ADAMTS12: variants seen among roughly 807,000 people sequenced by gnomAD.
ADAMTS12 encodes the protein A disintegrin and metalloproteinase with thrombospondin motifs 12.
In ADAMTS12, 118 loss-of-function variants were observed where a neutral mutation model predicts 167.8. The observed-to-expected ratio is 0.70, with a 90% CI of 0.61 to 0.82. The LOEUF (loss-of-function observed/expected upper bound fraction) is 0.82. ADAMTS12 is among the 40% of genes least tolerant of loss of function. The pLI, the probability that ADAMTS12 is intolerant of heterozygous loss-of-function variation, is 0.00. For missense variants in ADAMTS12, 1,916 were observed against 1,998.8 expected (o/e 0.96, Z 0.79); for synonymous variants, 704 against 716.9 (o/e 0.98, Z 0.29).
chr5:33,641,759 C>G (rs1266426163), intron 11 of ADAMTS12, 51 bp downstream of exon 11: 1 of 1,487,148 alleles, frequency 6.7e-7, no homozygotes, highest in South Asian at 1.4e-5. Context: ...TGCCCCCCAT[C>G]CCGCCCCCAG....
chr5:33,621,993 A>T (rs1366818214), intron 14 of ADAMTS12, among the ~76,000 whole-genome samples: 1 of 152,218 alleles, frequency 6.6e-6, no homozygotes, highest in Non-Finnish European at 1.5e-5. Context: ...AGCAACCATG[A>T]CCCTCTTGTT....
intron 2 of ADAMTS12, among the ~76,000 whole-genome samples, chr5:33,878,641 TG>T (rs1750315868): frequency 6.6e-6 from 1 of 152,210 alleles, no homozygotes. Context: ...TAGAATCACC[TG>T]GGGAGATCTG....
At chr5:33,626,302 G>A (rs1425264779) in intron 13 of ADAMTS12, among the ~76,000 whole-genome samples, 2 of 151,370 alleles carry the variant, frequency 1.3e-5, no homozygotes. Context: ...TGATGGTGCT[G>A]CGGGGTAATG....
chr5:33,879,102 C>T (rs1219625631), intron 2 of ADAMTS12, among the ~76,000 whole-genome samples: 1 of 152,146 alleles, frequency 6.6e-6, no homozygotes, highest in African/African-American at 2.4e-5. Flanking sequence ...ATGGTGATGG[C>T]TGCACAACTC....
At chr5:33,625,486 C>A (rs2112125469) in intron 13 of ADAMTS12, among the ~76,000 whole-genome samples, 1 of 152,212 alleles carries the variant, frequency 6.6e-6, no homozygotes, top group South Asian at 2.1e-4. Flanking sequence ...GGCCTTCATT[C>A]CTTCACTGAT....
intron 16 of ADAMTS12, among the ~76,000 whole-genome samples, chr5:33,604,553 C>T (rs1738344752): frequency 6.6e-6 from 1 of 151,224 alleles, no homozygotes; most frequent in Non-Finnish European, 1.5e-5. Flanking sequence ...CCCCCACCAC[C>T]CCCCTACTTA....
At position 33,751,467 on chromosome 5, in the gene ADAMTS12, G is replaced by A; in HGVS notation, c.571C>T (p.Pro191Ser). ...TTCTGCCTCCTGTAAACGATGTGCGGGTGGTACCCTCCCTCAACCAGTGGA... is the reference window on the plus strand; with the variant it reads ...TTCTGCCTCCTGTAAACGATGTGCGAGTGGTACCCTCCCTCAACCAGTGGA... Reference protein sequence around the residue: ...KHPLVEGGYHPHIVYRRQKVP... With the variant: ...KHPLVEGGYHSHIVYRRQKVP... The change falls in exon 3 of 24, where the codon CCG (proline) becomes TCG (serine). Residue 191 changes from proline (P) to serine (S), a missense_variant. Pro to Ser is a moderately conservative substitution (Grantham distance 74). Transcript: ENST00000504830. The A allele has an allele frequency of 6.2e-7, 1 of 1,614,056 alleles. No individual in the cohort carries two copies. Among genetic ancestry groups the A allele is most frequent in the Non-Finnish European group, 8.5e-7 (1 of 1,179,984 alleles).
intron 5 of ADAMTS12, among the ~76,000 whole-genome samples, chr5:33,677,234 A>G (rs1024777582): frequency 2.0e-5 from 3 of 152,198 alleles, no homozygotes; most frequent in African/African-American, 7.2e-5. Flanking sequence ...TGATGATGAT[A>G]AAAATAATAA....
At chr5:33,530,858 A>C (rs1263951212) in intron 23 of ADAMTS12, among the ~76,000 whole-genome samples, 1 of 152,180 alleles carries the variant, frequency 6.6e-6, no homozygotes, top group Non-Finnish European at 1.5e-5. Flanking sequence ...TGTGGGTTGA[A>C]CTGTATCCTT....
chr5:33,686,152 G>A (rs566648161), intron 3 of ADAMTS12, among the ~76,000 whole-genome samples: 1 of 152,276 alleles, frequency 6.6e-6, no homozygotes, highest in Middle Eastern at 3.4e-3. Flanking sequence ...GAGGGTGACT[G>A]GCAGACAGTT....
At chr5:33,633,523 G>C (rs1217210299) in intron 12 of ADAMTS12, among the ~76,000 whole-genome samples, 2 of 152,088 alleles carry the variant, frequency 1.3e-5, no homozygotes, top group East Asian at 3.9e-4. Flanking sequence ...ATGACCTATA[G>C]GTGTGCCTCA....
intron 2 of ADAMTS12, among the ~76,000 whole-genome samples, chr5:33,793,996 G>A (rs1746677041): frequency 6.6e-6 from 1 of 152,136 alleles, no homozygotes; most frequent in African/African-American, 2.4e-5. Flanking sequence ...CCTCCTCCCC[G>A]TGGAGTTTAC....
chr5:33,705,946 A>C (rs989862941), intron 3 of ADAMTS12, among the ~76,000 whole-genome samples: 6 of 152,174 alleles, frequency 3.9e-5, no homozygotes, highest in Admixed American at 3.9e-4. Flanking sequence ...TCTACAAGAA[A>C]CTACAAAACA....
At chr5:33,574,779 A>G (rs981221253) in intron 19 of ADAMTS12, among the ~76,000 whole-genome samples, 1 of 152,062 alleles carries the variant, frequency 6.6e-6, no homozygotes, top group Non-Finnish European at 1.5e-5. Context: ...TACCTATGAA[A>G]GTGGTTTGTA....
rs537891218 is a variant in ADAMTS12, at chr5:33,783,819, C to A, written c.490-32271G>T. Among the ~76,000 whole-genome samples, 254 of 151,964 alleles carry A rather than the reference C, an allele frequency of 1.7e-3. 1 individual carries two copies. The highest frequency in any genetic ancestry group is 5.4e-3 in the Admixed American group (83 of 15,260). Reference sequence around the variant, plus strand: ...ATATCAGTCCTACACAAACTCTTCCCAAAATAAATTTTCACATAAAATTTT... The same window carrying A: ...ATATCAGTCCTACACAAACTCTTCCAAAAATAAATTTTCACATAAAATTTT... On this transcript the variant is annotated intron_variant, in intron 2 of 23. Transcript: ENST00000504830.
intron 19 of ADAMTS12, among the ~76,000 whole-genome samples, chr5:33,575,219 T>C (rs1431217260): frequency 1.3e-5 from 2 of 152,242 alleles, no homozygotes; most frequent in South Asian, 4.1e-4. Context: ...ATCACTGATA[T>C]GGCGAGCTAT....
At chr5:33,538,993 G>A (rs755237614) in intron 22 of ADAMTS12, among the ~76,000 whole-genome samples, 71 of 152,274 alleles carry the variant, frequency 4.7e-4, no homozygotes, top group Middle Eastern at 3.4e-3. Flanking sequence ...CCAGGCTGGA[G>A]TGCAGTGGTA....
At chr5:33,863,441 C>T (rs976306890) in intron 2 of ADAMTS12, among the ~76,000 whole-genome samples, 1 of 152,144 alleles carries the variant, frequency 6.6e-6, no homozygotes, top group Non-Finnish European at 1.5e-5. Context: ...CTCCCATTCA[C>T]AATTGCTACA....
chr5:33,770,222 C>T (rs987551818), intron 2 of ADAMTS12, among the ~76,000 whole-genome samples: 3 of 152,124 alleles, frequency 2.0e-5, no homozygotes, highest in African/African-American at 7.2e-5. Flanking sequence ...TGTGCTGGAT[C>T]CTGGTTGCTT....
Sources: allele counts gnomAD v4.1 joint callset (sites outside exome capture counted in the v4.1 genomes callset), GRCh38; gene constraint gnomAD v4.1.1; transcripts MANE v1.5; gene names NCBI Gene and HGNC (gene_info 2026-07-23, HGNC 2026-07-21).